Variants in STK32B observed in about 807,000 individuals in gnomAD.
STK32B encodes serine/threonine-protein kinase 32B.
A neutral mutation model predicts 52.6 loss-of-function variants in STK32B; 43 were observed. That is an observed-to-expected ratio of 0.82 (90% CI 0.64 to 1.05). The LOEUF is 1.05. Among genes scored for constraint, STK32B ranks in the 50% least tolerant of loss-of-function variants. The pLI is 0.00. For synonymous variants in STK32B, 238 were observed against 204.3 expected, an observed-to-expected ratio of 1.17 and a Z score of -1.41; for missense variants, 621 against 534.6, an observed-to-expected ratio of 1.16 and a Z score of -1.59.
chr4:5,292,252 A>T (rs1401677502), intron 3 of STK32B, among the ~76,000 whole-genome samples: 1 of 152,080 alleles, frequency 6.6e-6, no homozygotes, highest in Non-Finnish European at 1.5e-5. Flanking sequence ...CTAATTTACA[A>T]CCCCAACAAC....
the STK32B span, among the ~76,000 whole-genome samples, chr4:5,040,292 A>G: frequency 6.6e-6 from 1 of 151,674 alleles, no homozygotes; most frequent in Non-Finnish European, 1.5e-5. Context: ...ACACTGCCCA[A>G]CTCCTTCATT....
At chr4:5,338,879 G>C (rs1482290995) in intron 4 of STK32B, among the ~76,000 whole-genome samples, 2 of 152,200 alleles carry the variant, frequency 1.3e-5, no homozygotes, top group African/African-American at 4.8e-5. Context: ...CTGGGCTAAA[G>C]GATGCCCAGA....
intron 5 of STK32B, among the ~76,000 whole-genome samples, chr4:5,414,788 G>T (rs1425008644): frequency 6.6e-6 from 1 of 152,212 alleles, no homozygotes; most frequent in Non-Finnish European, 1.5e-5. Context: ...ATTACATGGG[G>T]GTGGGAGAGA....
At chr4:5,375,136 G>A (rs1014741110) in intron 4 of STK32B, among the ~76,000 whole-genome samples, 5 of 152,032 alleles carry the variant, frequency 3.3e-5, no homozygotes, top group Non-Finnish European at 5.9e-5. Flanking sequence ...AACTCCAGGC[G>A]CCCAGCCTGC....
chr4:5,177,696 A>G (rs1720026868), intron 3 of STK32B, among the ~76,000 whole-genome samples: 1 of 152,254 alleles, frequency 6.6e-6, no homozygotes, highest in African/African-American at 2.4e-5. Flanking sequence ...TATTAGGTAA[A>G]TATACCCATT....
At chr4:5,169,273 A>G (rs902915596) in intron 3 of STK32B, among the ~76,000 whole-genome samples, 1 of 152,182 alleles carries the variant, frequency 6.6e-6, no homozygotes, top group Non-Finnish European at 1.5e-5. Flanking sequence ...TGGGTAGTCT[A>G]ACACAGTATC....
In STK32B at chr4:5,469,581, G is replaced by T. The variant is rs1717699620; in HGVS notation, c.1106+1511G>T. Among the ~76,000 whole-genome samples the T allele has an allele frequency of 6.6e-6, 1 of 152,224 alleles. No homozygotes were observed. The highest frequency in any genetic ancestry group is 1.9e-4 in the East Asian group (1 of 5,186). ...GCCATGGGCCAGTGGGCAGGACAGGGCCCCAGTCCCAGTCGATGCTGGGGA... is the reference window on the plus strand; with the variant it reads ...GCCATGGGCCAGTGGGCAGGACAGGTCCCCAGTCCCAGTCGATGCTGGGGA... On this transcript the variant is annotated intron_variant, in intron 11 of 11. Coordinates refer to ENST00000282908, the MANE Select transcript of STK32B (RefSeq NM_018401.3). The surrounding 1 kb of genome is among the most constrained non-coding windows in gnomAD (Gnocchi z 4.7).
Position 5,186,863 on chromosome 4 carries a change from G to A in STK32B, c.260+18413G>A, listed in dbSNP as rs115004111. On this transcript the variant is annotated intron_variant, in intron 3 of 11. Transcript: ENST00000282908. ...TTCATCTTATGCTTTAAAGATACCA[G>A]GTGTGTAATGTTTTCTTTGTAAGTG... Among the ~76,000 whole-genome samples the A allele has an allele frequency of 3.7e-3, 568 of 152,296 alleles. 6 individuals carry two copies. The highest frequency in any genetic ancestry group is 0.01 in the Middle Eastern group (3 of 294).
intron 2 of STK32B, among the ~76,000 whole-genome samples, chr4:5,164,568 A>G (rs974209277): frequency 6.6e-6 from 1 of 152,238 alleles, no homozygotes; most frequent in Non-Finnish European, 1.5e-5. Flanking sequence ...TCCCAGTTCT[A>G]GAGGCTGCAA....
intron 3 of STK32B, among the ~76,000 whole-genome samples, chr4:5,322,427 G>A (rs1731569565): frequency 6.6e-6 from 1 of 152,122 alleles, no homozygotes; most frequent in African/African-American, 2.4e-5. Context: ...AGATGGAATG[G>A]AAAGTGGCCT....
chr4:5,113,774 T>C (rs1714538987), intron 1 of STK32B, among the ~76,000 whole-genome samples: 1 of 152,168 alleles, frequency 6.6e-6, no homozygotes, highest in Admixed American at 6.5e-5. Flanking sequence ...TACCCAAGAC[T>C]GGGCAATTTA....
At chr4:5,318,146 T>C (rs1355888219) in intron 3 of STK32B, among the ~76,000 whole-genome samples, 1 of 152,142 alleles carries the variant, frequency 6.6e-6, no homozygotes, top group Admixed American at 6.5e-5. Flanking sequence ...CATGCACTTG[T>C]GTGTGTGATT....
At chr4:5,235,636 T>G (rs1235875540) in intron 3 of STK32B, among the ~76,000 whole-genome samples, 2 of 151,820 alleles carry the variant, frequency 1.3e-5, no homozygotes, top group African/African-American at 2.4e-5. Context: ...TAAATCCAAG[T>G]TACACCATGA....
intron 1 of STK32B, among the ~76,000 whole-genome samples, chr4:5,095,328 G>A (rs1466165819): frequency 2.0e-5 from 3 of 152,086 alleles, no homozygotes; most frequent in Non-Finnish European, 4.4e-5. Context: ...AAAATGTAAC[G>A]GAGAGGCCAG....
At chr4:5,403,076 GT>G (rs1290128895) in intron 5 of STK32B, among the ~76,000 whole-genome samples, 2 of 152,142 alleles carry the variant, frequency 1.3e-5, no homozygotes, top group Non-Finnish European at 2.9e-5. Context: ...TGTATTTTCT[GT>G]ATTCTGAAGC....
At chr4:5,215,094 A>G (rs562343340) in intron 3 of STK32B, among the ~76,000 whole-genome samples, 1 of 152,348 alleles carries the variant, frequency 6.6e-6, no homozygotes, top group East Asian at 1.9e-4. Flanking sequence ...GGAGCAAGCC[A>G]TTTGCTAAAT....
intron 3 of STK32B, among the ~76,000 whole-genome samples, chr4:5,313,458 A>T (rs187136990): frequency 1.5e-3 from 225 of 149,650 alleles, no homozygotes; most frequent in African/African-American, 5.3e-3. Flanking sequence ...CAAGGTAAGG[A>T]TTTTTGCTTT....
rs1016611162 is a variant in STK32B at position 5,453,375 on chromosome 4, G to T, written c.667-3432G>T. On this transcript the variant is annotated intron_variant, in intron 7 of 11. Coordinates refer to ENST00000282908, the MANE Select transcript of STK32B (RefSeq NM_018401.3). The surrounding 1 kb of genome is among the most constrained non-coding windows in gnomAD (Gnocchi z 4.0). ...TGTTTCTGGCTGGTGTTCAAGTTGG[G>T]TGCTTGGATTCTGGGTCTCTGGTGG... is the stretch of plus-strand genomic sequence containing the variant. Among the ~76,000 whole-genome samples, 5 of 152,118 alleles carry T rather than the reference G, an allele frequency of 3.3e-5. No homozygotes were observed. The highest frequency in any genetic ancestry group is 4.8e-5 in the African/African-American group (2 of 41,432).
intron 2 of STK32B, among the ~76,000 whole-genome samples, chr4:5,161,275 T>C (rs1157065015): frequency 2.0e-5 from 3 of 152,190 alleles, no homozygotes; most frequent in Non-Finnish European, 4.4e-5. Context: ...TTATGTGCTG[T>C]GAAAAGTCAT....
Sources: allele counts gnomAD v4.1 joint callset (sites outside exome capture counted in the v4.1 genomes callset), GRCh38; gene constraint gnomAD v4.1.1; non-coding constraint Gnocchi (gnomAD v3.1); transcripts MANE v1.5; gene names NCBI Gene and HGNC (gene_info 2026-07-23, HGNC 2026-07-21).